The following KDM2A variants were observed in gnomAD, a reference collection of about 807,000 sequenced individuals.
KDM2A encodes lysine demethylase 2A.
A neutral mutation model predicts 137.3 loss-of-function variants in KDM2A; 3 were observed. The ratio of observed to expected loss-of-function variants is 0.02; its 90% confidence interval spans 0.01 to 0.06. The LOEUF (loss-of-function observed/expected upper bound fraction) is 0.06, where lower values mean the gene tolerates loss of function less well. KDM2A is among the 10% of genes least tolerant of loss of function. The probability of loss-of-function intolerance (pLI) is 1.00; values close to 1 mark genes in which losing one functional copy is unlikely to be tolerated. For synonymous variants in KDM2A, 512 were observed against 541.5 expected, an observed-to-expected ratio of 0.95 and a Z score of 0.76; for missense variants, 738 against 1,510.6, an observed-to-expected ratio of 0.49 and a Z score of 8.48.
chr11:67,137,365 A>G (rs1295769597), intron 2 of KDM2A, among the ~76,000 whole-genome samples: 2 of 152,172 alleles, frequency 1.3e-5, no homozygotes, highest in East Asian at 3.8e-4. Context: ...GAGGGCAAGA[A>G]TAGATTTAGG....
In KDM2A at chr11:67,255,102, C is replaced by A. The variant is rs1390923422; in HGVS notation, c.*47C>A. On this transcript the variant is annotated 3_prime_UTR_variant, in exon 21 of 21. Transcript: ENST00000529006. ...ACAGGAAACCGATCTTCCCCTGACT[C>A]CCCACCGAGGAGAGCCTCTCCTCGA... 6.5e-7 allele frequency: 1 copy of A among 1,544,678 alleles called. No homozygotes were observed. Among genetic ancestry groups the A allele is most frequent in the African/African-American group, 1.4e-5 (1 of 73,304 alleles).
intron 10 of KDM2A, among the ~76,000 whole-genome samples, chr11:67,220,044 T>A (rs1858296087): frequency 6.6e-6 from 1 of 152,078 alleles, no homozygotes; most frequent in Admixed American, 6.6e-5. Context: ...AGAGTCTCAC[T>A]CTGTTGCCCA....
intron 5 of KDM2A, among the ~76,000 whole-genome samples, chr11:67,197,962 A>C (rs1857520952): frequency 6.6e-6 from 1 of 150,906 alleles, no homozygotes; most frequent in Non-Finnish European, 1.5e-5. Context: ...TATGTTATAC[A>C]TATTATATAC....
intron 2 of KDM2A, among the ~76,000 whole-genome samples, chr11:67,165,345 C>G (rs536842274): frequency 3.3e-4 from 50 of 152,204 alleles, no homozygotes; most frequent in African/African-American, 1.2e-3. Flanking sequence ...TGGTCTTGAA[C>G]TCCTGACCTC....
chr11:67,205,626 T>C (rs1857780407), intron 5 of KDM2A, among the ~76,000 whole-genome samples: 1 of 151,964 alleles, frequency 6.6e-6, no homozygotes, highest in African/African-American at 2.4e-5. Flanking sequence ...TTTTTTTGTT[T>C]TGTGTGTGTG....
At chr11:67,157,644 C>G (rs1429989191) in intron 2 of KDM2A, among the ~76,000 whole-genome samples, 1 of 150,706 alleles carries the variant, frequency 6.6e-6, no homozygotes, top group Non-Finnish European at 1.5e-5. Context: ...ACTCGGGAGG[C>G]TGAGGCACAA....
intron 15 of KDM2A, among the ~76,000 whole-genome samples, chr11:67,247,947 T>A (rs1349098767): frequency 1.3e-5 from 2 of 152,088 alleles, no homozygotes; most frequent in Non-Finnish European, 2.9e-5. Flanking sequence ...ATAAGGTGGG[T>A]TTTGTTGTAT....
chr11:67,190,593 C>T (rs1857328016), intron 5 of KDM2A, among the ~76,000 whole-genome samples: 1 of 151,620 alleles, frequency 6.6e-6, no homozygotes, highest in Non-Finnish European at 1.5e-5. Flanking sequence ...AACCCTGTCT[C>T]TACTGAAAAT....
intron 6 of KDM2A, 51 bp downstream of exon 6, chr11:67,207,739 T>G: frequency 7.0e-7 from 1 of 1,429,286 alleles, no homozygotes; most frequent in Non-Finnish European, 9.4e-7. Context: ...AAGGGTTGTT[T>G]TCGGCTGGAC....
Position 67,198,316 on chromosome 11 carries a change from A to ATT in KDM2A, c.308-9180_308-9179dup, listed in dbSNP as rs142427113. ...TTTTATTGCACTTTGCAGATAGTGT[A>ATT]TTTTTTTTTTTTTTTAACAAATTGA... On this transcript the variant is annotated intron_variant, in intron 5 of 20. Coordinates refer to ENST00000529006, the MANE Select transcript of KDM2A (RefSeq NM_012308.3). 8.6e-3 allele frequency among the ~76,000 whole-genome samples: 1,230 copies of ATT among 142,570 alleles called. 15 individuals are homozygous for ATT. The highest frequency in any genetic ancestry group is 0.028 in the East Asian group (134 of 4,846). The allele number at this position is 142,570 out of a possible 152,430, so 93.5% of individuals were successfully genotyped here. A position where few individuals can be genotyped will look rare whatever the true frequency, so the allele number is the denominator to read the frequency against.
intron 2 of KDM2A, among the ~76,000 whole-genome samples, chr11:67,159,581 AGGTG>A (rs1856592036): frequency 6.6e-6 from 1 of 152,206 alleles, no homozygotes; most frequent in Admixed American, 6.5e-5. Flanking sequence ...AAATTGATTA[AGGTG>A]GTAACCTGCA....
At chr11:67,221,739 G>A (rs1858355440) in intron 10 of KDM2A, among the ~76,000 whole-genome samples, 1 of 152,180 alleles carries the variant, frequency 6.6e-6, no homozygotes, top group Non-Finnish European at 1.5e-5. Context: ...AGAGCCCAAA[G>A]TGGGAGGATT....
At chr11:67,171,201 G>C (rs908908674) in intron 2 of KDM2A, among the ~76,000 whole-genome samples, 6 of 152,166 alleles carry the variant, frequency 3.9e-5, no homozygotes, top group Non-Finnish European at 8.8e-5. Context: ...GTGATACATA[G>C]AAGTTGAGAG....
chr11:67,166,403 C>G (rs1415039063), intron 2 of KDM2A, among the ~76,000 whole-genome samples: 1 of 151,914 alleles, frequency 6.6e-6, no homozygotes, highest in Non-Finnish European at 1.5e-5. Flanking sequence ...CCAGGCTGGT[C>G]TCGAACTCCT....
intron 2 of KDM2A, among the ~76,000 whole-genome samples, chr11:67,145,817 C>T (rs903102849): frequency 2.0e-5 from 3 of 151,450 alleles, no homozygotes; most frequent in African/African-American, 7.3e-5. Context: ...CATACATTTT[C>T]CTTCCTCTCT....
chr11:67,192,730 C>T (rs2136353071), intron 5 of KDM2A, among the ~76,000 whole-genome samples: 1 of 152,026 alleles, frequency 6.6e-6, no homozygotes, highest in African/African-American at 2.4e-5. Flanking sequence ...CAGGCATGAG[C>T]CACCGTGCCT....
chr11:67,189,997 A>T (rs1209455507), intron 5 of KDM2A, among the ~76,000 whole-genome samples: 1 of 152,246 alleles, frequency 6.6e-6, no homozygotes, highest in Admixed American at 6.5e-5. Flanking sequence ...ATAGAAAAAC[A>T]ATAGAGAAAA....
intron 2 of KDM2A, among the ~76,000 whole-genome samples, chr11:67,169,955 A>T (rs890013683): frequency 1.3e-5 from 2 of 151,482 alleles, no homozygotes; most frequent in Non-Finnish European, 2.9e-5. Context: ...ATGGGGTTTC[A>T]CCATGCTGGC....
intron 2 of KDM2A, among the ~76,000 whole-genome samples, chr11:67,159,830 C>G (rs955921208): frequency 3.3e-5 from 5 of 151,948 alleles, no homozygotes; most frequent in Admixed American, 1.3e-4. Flanking sequence ...GGAACATTTG[C>G]AGTTTAGGAT....
Sources: allele counts gnomAD v4.1 joint callset (sites outside exome capture counted in the v4.1 genomes callset), GRCh38; gene constraint gnomAD v4.1.1; transcripts MANE v1.5; gene names NCBI Gene and HGNC (gene_info 2026-07-23, HGNC 2026-07-21).